TEDC1: variants seen among roughly 807,000 people sequenced by gnomAD.
TEDC1 encodes tubulin epsilon and delta complex protein 1.
A neutral mutation model predicts 59.9 loss-of-function variants in TEDC1; 54 were observed. The ratio of observed to expected loss-of-function variants is 0.90; its 90% CI spans 0.72 to 1.13. The LOEUF is 1.13. Among genes scored for constraint, TEDC1 ranks in the 50% most tolerant of loss-of-function variants. The pLI is 0.00. For synonymous variants in TEDC1, 353 were observed against 298.1 expected (o/e 1.18, Z -1.90); for missense variants, 734 against 683.4 (o/e 1.07, Z -0.83).
chr14:105,497,206 G>A, intron 6 of TEDC1, 151 bp from the exon 7 acceptor site: 1 of 778,620 alleles, frequency 1.3e-6, no homozygotes. Flanking sequence ...GCTCTGGCCA[G>A]AGAACCTGGG....
At chr14:105,497,528 G>T in intron 7 of TEDC1, 85 bp downstream of exon 7, 1 of 1,457,794 alleles carries the variant, frequency 6.9e-7, no homozygotes, top group Non-Finnish European at 9.2e-7. Context: ...CTGTTTTCCA[G>T]ACAGGAAGAG....
intron 2 of TEDC1, 150 bp from the exon 3 acceptor site, chr14:105,491,957 C>T (rs2084223381): frequency 4.3e-6 from 4 of 931,376 alleles, no homozygotes; most frequent in East Asian, 2.6e-5. Context: ...GTCTCCTCAT[C>T]CTGGTCTGAG....
intron 2 of TEDC1, 73 bp from the exon 3 acceptor site, chr14:105,492,034 G>T: frequency 6.9e-7 from 1 of 1,441,690 alleles, no homozygotes. Flanking sequence ...GACCTGTGGG[G>T]GTCTCTGGAG....
Position 105,492,319 on chromosome 14 carries a change from G to A in TEDC1, c.429+10G>A. Reference sequence around the variant, plus strand: ...GATGACTGTGTGCCAGGTGCGTGTGGGTGAGGGTGAGCTGAGCCAGCCCTG... The same window carrying A: ...GATGACTGTGTGCCAGGTGCGTGTGAGTGAGGGTGAGCTGAGCCAGCCCTG... On this transcript the variant is annotated intron_variant, in intron 3 of 8. Transcript: ENST00000392523. The A allele has an allele frequency of 1.9e-6, 3 of 1,600,106 alleles. No homozygotes were observed. The highest frequency in any genetic ancestry group is 1.7e-6 in the Non-Finnish European group (2 of 1,179,304).
At chr14:105,498,547 A>G in intron 8 of TEDC1, 70 bp from the exon 9 acceptor site, 1 of 1,442,920 alleles carries the variant, frequency 6.9e-7, no homozygotes, top group African/African-American at 1.4e-5. Context: ...GTCTGGGCTC[A>G]GGGAATGCTC....
intron 7 of TEDC1, 133 bp from the exon 8 acceptor site, chr14:105,497,665 C>A (rs2084378077): frequency 1.6e-6 from 2 of 1,259,314 alleles, no homozygotes; most frequent in African/African-American, 3.0e-5. Flanking sequence ...TTTGTGCCTC[C>A]CTGGACGTCA....
At chr14:105,497,582 G>C in intron 7 of TEDC1, 139 bp downstream of exon 7, 12 of 1,174,876 alleles carry the variant, frequency 1.0e-5, no homozygotes, top group Non-Finnish European at 1.4e-5. Flanking sequence ...CTCTTTCTAG[G>C]ACTTCCACTC....
chr14:105,497,725 C>T, intron 7 of TEDC1, 73 bp from the exon 8 acceptor site: 2 of 1,455,656 alleles, frequency 1.4e-6, no homozygotes, highest in East Asian at 5.0e-5. Context: ...TGGGGGACTA[C>T]CACTGCCCTC....
chr14:105,497,437 G>A lies in TEDC1; in HGVS notation c.972G>A (p.Arg324=), dbSNP rs782719524. ...AWRRSELVFW[R]WMDTVLGTCA... ...GGCGCTCTGAGCTGGTCTTCTGGCG[G>A]TGGATGGTGAGGAAGCCCGCGCATC... The change falls in exon 7 of 9, where the codon CGG becomes CGA. Residue 324 remains arginine (R), a synonymous_variant. Coordinates refer to ENST00000392523, the MANE Select transcript of TEDC1 (RefSeq NM_001367178.1). 7.1e-6 allele frequency: 11 copies of A among 1,547,568 alleles called. No homozygotes were observed. Among genetic ancestry groups the A allele is most frequent in the South Asian group, 1.2e-5 (1 of 84,248 alleles).
chr14:105,496,444 C>T (rs1328724355), intron 6 of TEDC1: 2 of 250,050 alleles, frequency 8.0e-6, no homozygotes, highest in Admixed American at 1.0e-4. Context: ...ACCTGGTGTT[C>T]AAGGCCATTC....
chr14:105,491,647 T>G lies in TEDC1; in HGVS notation c.173T>G (p.Phe58Cys). The G allele has an allele frequency of 6.5e-7, 1 of 1,549,722 alleles. No individual in the cohort carries two copies. The highest frequency in any genetic ancestry group is 1.4e-5 in the African/African-American group (1 of 73,156). Residue 58 changes from phenylalanine to cysteine, a missense_variant, in exon 2 of 9, where the codon TTC becomes TGC. Coordinates refer to ENST00000392523, the MANE Select transcript of TEDC1 (RefSeq NM_001367178.1). ...EATSALWQLLFRVLSPLPAGN... is the reference protein window; with the variant it reads ...EATSALWQLLCRVLSPLPAGN... ...ACCTCCGCGCTCTGGCAGCTCCTCTTCCGTGTGCTCTCGCCACTCCCTGCG... is the reference window on the plus strand; with the variant it reads ...ACCTCCGCGCTCTGGCAGCTCCTCTGCCGTGTGCTCTCGCCACTCCCTGCG...
At chr14:105,493,073 G>C (rs1200336799) in intron 4 of TEDC1, among the ~76,000 whole-genome samples, 1 of 152,146 alleles carries the variant, frequency 6.6e-6, no homozygotes, top group East Asian at 1.9e-4. Context: ...TCCCTCCTGG[G>C]CACTGGAGGG....
At chr14:105,491,737 C>T in intron 2 of TEDC1, 37 bp downstream of exon 2, 1 of 1,530,166 alleles carries the variant, frequency 6.5e-7, no homozygotes, top group Non-Finnish European at 8.8e-7. Context: ...CCCGGTAGCA[C>T]TGGCCCCGCC....
At chr14:105,494,015 T>TGGGGGGGGGGGGGGGGG in intron 5 of TEDC1, 82 bp downstream of exon 5, 1 of 158,596 alleles carries the variant, frequency 6.3e-6, no homozygotes, top group Non-Finnish European at 1.3e-5. Context: ...GGGAGGGGCC[T>TGGGGGGGGGGGGGGGGG]GGGGGCGGGG....
rs112465101 is a variant in TEDC1, at chr14:105,492,030, T to TG, written c.227-72dup. On this transcript the variant is annotated intron_variant, in intron 2 of 8. Transcript: ENST00000392523. ...CTTGAGCTTCTGCTCAAGTGACCTG[T>TG]GGGGGTCTCTGGAGGGATCCAGGTG... 3.1e-4 allele frequency: 435 copies of TG among 1,422,434 alleles called. 1 individual carries two copies. In the African/African-American group the frequency reaches 5.4e-3, roughly 18 times the overall value. 88.1% of individuals were successfully genotyped at this position (1,422,434 alleles called of 1,614,324 possible).
At chr14:105,496,266 T>C in intron 6 of TEDC1, 180 bp downstream of exon 6, 3 of 651,322 alleles carry the variant, frequency 4.6e-6, no homozygotes, top group East Asian at 5.6e-5. Context: ...GTACCCATGG[T>C]GGAGGCCTTT....
rs1294761056 is a variant in TEDC1 at position 105,496,067 on chromosome 14, T to C, written c.872T>C (p.Leu291Pro). The stretch of plus-strand genomic sequence containing the variant: ...CCTGGTGGGGCCTCAGCCTGCAGCC[T>C]GCTCTCCCCTTTTAGGGCGGTAAGT... ...LDPGGASACS[L>P]LSPFRALLRT... The change falls in exon 6 of 9, where the codon CTG becomes CCG. Residue 291 changes from leucine (L) to proline (P), a missense_variant. By Grantham distance (98) the Leu-to-Pro change is moderately conservative. Coordinates refer to ENST00000392523, the MANE Select transcript of TEDC1 (RefSeq NM_001367178.1). The C allele has an allele frequency of 2.1e-6, 3 of 1,442,666 alleles. No individual in the cohort carries two copies. The highest frequency in any genetic ancestry group is 2.8e-6 in the Non-Finnish European group (3 of 1,079,432). 89.4% of individuals were successfully genotyped at this position (1,442,666 alleles called of 1,614,324 possible).
intron 4 of TEDC1, among the ~76,000 whole-genome samples, chr14:105,493,622 G>T (rs1156886022): frequency 6.6e-6 from 1 of 152,098 alleles, no homozygotes; most frequent in Non-Finnish European, 1.5e-5. Context: ...AAATTGCCTG[G>T]CGCCCCCTTG....
intron 6 of TEDC1, 181 bp from the exon 7 acceptor site, chr14:105,497,176 A>T (rs1188340164): frequency 1.8e-5 from 12 of 683,248 alleles, no homozygotes; most frequent in Admixed American, 2.5e-5. Flanking sequence ...TCCGCACCAC[A>T]CCAGGGTGCC....
Sources: gnomAD v4.1 joint callset for allele counts (sites outside exome capture counted in the v4.1 genomes callset) on GRCh38, gnomAD v4.1.1 for gene constraint, MANE v1.5 for transcripts, NCBI Gene and HGNC (gene_info 2026-07-23, HGNC 2026-07-21) for gene names.